RAB11FIP3: variants seen among roughly 807,000 people sequenced by gnomAD.
RAB11FIP3 encodes the protein rab11 family-interacting protein 3.
A neutral mutation model predicts 77.8 loss-of-function variants in RAB11FIP3; 17 were observed. The ratio of observed to expected loss-of-function variants is 0.22; its 90% CI spans 0.15 to 0.33. RAB11FIP3 has a LOEUF of 0.33. Ranked by LOEUF, RAB11FIP3 falls within the 10% of genes least tolerant of loss-of-function variation. The pLI is 1.00. For synonymous variants in RAB11FIP3, 437 were observed against 448.2 expected, an observed-to-expected ratio of 0.98 and a Z score of 0.31; for missense variants, 1,005 against 1,011.2, an observed-to-expected ratio of 0.99 and a Z score of 0.08.
At chr16:497,593 C>T (rs1006063528) in intron 6 of RAB11FIP3, 7 of 678,800 alleles carry the variant, frequency 1.0e-5, no homozygotes, top group Non-Finnish European at 1.2e-5. Context: ...TTGTGCCGGG[C>T]GTTCTCCAGG....
chr16:501,871 TG>T (rs928553854), intron 6 of RAB11FIP3, among the ~76,000 whole-genome samples: 1 of 150,706 alleles, frequency 6.6e-6, no homozygotes, highest in African/African-American at 2.5e-5. Flanking sequence ...GCAAGGAAGC[TG>T]GGAGATGGTC....
chr16:429,499 T>A (rs908879048), intron 1 of RAB11FIP3, among the ~76,000 whole-genome samples: 3 of 142,156 alleles, frequency 2.1e-5, no homozygotes, highest in Admixed American at 7.1e-5. Flanking sequence ...ATTATCTTAA[T>A]TTTTTTTTTT....
In RAB11FIP3 at chr16:522,038, C is replaced by CATGTGT. The variant is rs879226002; in HGVS notation, c.*1199_*1200insATGTGT. ...GCCACCCGCTGCGTGTGTGTGCGCG[C>CATGTGT]GCGTGTACGTGTGGCCCCACATCCG... On this transcript the variant is annotated 3_prime_UTR_variant, in exon 14 of 14. Transcript: ENST00000262305. 1 of 39,168 alleles carries CATGTGT rather than the reference C, an allele frequency of 2.6e-5. No homozygotes were observed. Among genetic ancestry groups the CATGTGT allele is most frequent in the African/African-American group, 1.4e-4 (1 of 7,174 alleles). 2.4% of individuals were successfully genotyped at this position (39,168 alleles called of 1,614,324 possible).
At chr16:510,545 C>T (rs1287352299) in intron 8 of RAB11FIP3, 115 bp from the exon 9 acceptor site, 2 of 1,229,190 alleles carry the variant, frequency 1.6e-6, no homozygotes, top group Non-Finnish European at 2.2e-6. Flanking sequence ...TTCTCGGTGC[C>T]CTACTCCCGA....
intron 9 of RAB11FIP3, among the ~76,000 whole-genome samples, chr16:515,848 A>C (rs2032390986): frequency 6.6e-6 from 1 of 152,204 alleles, no homozygotes; most frequent in African/African-American, 2.4e-5. Flanking sequence ...AGTTGGATAA[A>C]GGCGAGGCTC....
At chr16:486,003 G>A (rs1224731500) in intron 4 of RAB11FIP3, among the ~76,000 whole-genome samples, 1 of 152,204 alleles carries the variant, frequency 6.6e-6, no homozygotes, top group Non-Finnish European at 1.5e-5. Context: ...CCAGATTCAA[G>A]TGATTCTCTT....
intron 6 of RAB11FIP3, among the ~76,000 whole-genome samples, chr16:499,433 G>A (rs1032161515): frequency 2.6e-5 from 4 of 152,172 alleles, no homozygotes; most frequent in African/African-American, 9.7e-5. Context: ...GCAGTTGGCT[G>A]TCACAGCCTT....
In RAB11FIP3 at chr16:491,082, A is replaced by G. The variant is rs113182206; in HGVS notation, c.1265+2082A>G. 7,695 of 1,270,236 alleles carry G rather than the reference A, an allele frequency of 6.1e-3. 191 individuals are homozygous for G. The African/African-American group carries it at 0.076, about 13-fold the overall frequency. 78.7% of individuals were successfully genotyped at this position (1,270,236 alleles called of 1,614,324 possible). A position where few individuals can be genotyped will look rare whatever the true frequency, so the allele number is the denominator to read the frequency against. On this transcript the variant is annotated intron_variant, in intron 5 of 13. Coordinates refer to ENST00000262305, the MANE Select transcript of RAB11FIP3 (RefSeq NM_014700.4). ...CTCGGCCCCTCGTGCGGAGTCACAG[A>G]TGACCACACGGGTCCTCATCCTCTC... is the stretch of plus-strand genomic sequence containing the variant.
rs2055799713 is a variant in RAB11FIP3, at chr16:471,114, T to C, written c.809-181T>C. Among the ~76,000 whole-genome samples, 1 of 152,102 alleles carries C rather than the reference T, an allele frequency of 6.6e-6. No homozygotes were observed. The highest frequency in any genetic ancestry group is 6.5e-5 in the Admixed American group (1 of 15,270). ...CGCATCTCTGACCCGTTGGCAAGGC[T>C]GTTTTCTCTCCCTGGATTTCTCATG... On this transcript the variant is annotated intron_variant, in intron 2 of 13. Transcript: ENST00000262305. The surrounding 1 kb of genome is among the most constrained non-coding windows in gnomAD (Gnocchi z 4.4).
Position 520,179 on chromosome 16 carries a change from G to C in RAB11FIP3, c.1918G>C (p.Glu640Gln). Residue 640 changes from glutamate (E) to glutamine (Q), a missense_variant, in exon 12 of 14, where the codon GAG becomes CAG. Coordinates refer to ENST00000262305, the MANE Select transcript of RAB11FIP3 (RefSeq NM_014700.4). ...CCTGCAGCTCCTCAAGCTGGAGGCC[G>C]AGCAGCGGCGGGGCCGCAGCAGCAG... ...EHLQLLKLEA[E>Q]QRRGRSSSMG... 1 of 1,546,812 alleles carries C rather than the reference G, an allele frequency of 6.5e-7. No individual in the cohort carries two copies. Among genetic ancestry groups the C allele is most frequent in the African/African-American group, 1.4e-5 (1 of 73,346 alleles).
At chr16:442,899 A>G (rs764589670) in intron 1 of RAB11FIP3, among the ~76,000 whole-genome samples, 19 of 152,204 alleles carry the variant, frequency 1.2e-4, no homozygotes, top group Non-Finnish European at 2.4e-4. Context: ...GCTTGTTTAC[A>G]AAGTTTTATT....
chr16:431,582 C>T (rs1466821545), intron 1 of RAB11FIP3, among the ~76,000 whole-genome samples: 1 of 152,018 alleles, frequency 6.6e-6, no homozygotes, highest in Non-Finnish European at 1.5e-5. Flanking sequence ...GCCGTGTTGA[C>T]TAGGCTGGTC....
intron 10 of RAB11FIP3, 146 bp from the exon 11 acceptor site, chr16:519,608 C>T: frequency 9.2e-7 from 1 of 1,083,786 alleles, no homozygotes; most frequent in Non-Finnish European, 1.3e-6. Flanking sequence ...CAGGAAGGCT[C>T]AGACCCAGCC....
intron 6 of RAB11FIP3, among the ~76,000 whole-genome samples, chr16:499,622 C>T (rs1392312249): frequency 6.6e-6 from 1 of 151,904 alleles, no homozygotes; most frequent in Non-Finnish European, 1.5e-5. Context: ...ATGGTGAAAC[C>T]CCGTCTCTAC....
intron 1 of RAB11FIP3, among the ~76,000 whole-genome samples, chr16:445,670 C>A (rs2055304060): frequency 6.6e-6 from 1 of 151,954 alleles, no homozygotes; most frequent in African/African-American, 2.4e-5. Flanking sequence ...GCTGTTGGCT[C>A]CTGTAGCGGC....
intron 3 of RAB11FIP3, among the ~76,000 whole-genome samples, chr16:474,457 G>GA (rs1464955021): frequency 6.6e-5 from 10 of 152,280 alleles, no homozygotes; most frequent in Admixed American, 5.9e-4. Context: ...GGGGAGAGTA[G>GA]AAGGGGATGG....
chr16:456,999 T>C (rs1412653358), intron 1 of RAB11FIP3, among the ~76,000 whole-genome samples: 3 of 151,974 alleles, frequency 2.0e-5, no homozygotes, highest in Non-Finnish European at 4.4e-5. Flanking sequence ...GCTGATCTAG[T>C]GTGAAGTTTA....
chr16:451,629 G>C (rs953577458), intron 1 of RAB11FIP3: 10 of 152,246 alleles, frequency 6.6e-5, no homozygotes, highest in African/African-American at 2.4e-4. Context: ...GAGGTCAGGA[G>C]TTCAAGACCA....
intron 1 of RAB11FIP3, among the ~76,000 whole-genome samples, chr16:458,987 C>T (rs2055557355): frequency 6.6e-6 from 1 of 152,182 alleles, no homozygotes; most frequent in African/African-American, 2.4e-5. Flanking sequence ...TGCCTCACCC[C>T]AGATTCTAGA....
Sources: gnomAD v4.1 joint callset for allele counts (sites outside exome capture counted in the v4.1 genomes callset) on GRCh38, gnomAD v4.1.1 for gene constraint, Gnocchi (gnomAD v3.1) non-coding constraint, MANE v1.5 for transcripts, NCBI Gene and HGNC (gene_info 2026-07-23, HGNC 2026-07-21) for gene names.